Variants in SUSD5 observed in about 807,000 individuals in gnomAD.
SUSD5 encodes the protein sushi domain containing 5, also known as sushi domain-containing protein 5.
In SUSD5, 33 loss-of-function variants were observed where a neutral mutation model predicts 29.5. That is an observed-to-expected ratio of 1.12 (90% CI 0.85 to 1.49). The LOEUF is 1.49. Among genes scored for constraint, SUSD5 ranks in the 40% most tolerant of loss-of-function variants. SUSD5 has a pLI of 0.00. For missense variants in SUSD5, 776 were observed against 800.6 expected, an observed-to-expected ratio of 0.97 and a Z score of 0.37; for synonymous variants, 308 against 325.3, an observed-to-expected ratio of 0.95 and a Z score of 0.57.
At chr3:33,161,320 T>C (rs1043760057) in intron 4 of SUSD5, among the ~76,000 whole-genome samples, 2 of 152,238 alleles carry the variant, frequency 1.3e-5, no homozygotes, top group Non-Finnish European at 2.9e-5. Context: ...ATTAAACTTC[T>C]ATATGTCAAG....
At chr3:33,184,391 T>C (rs146803436) in intron 3 of SUSD5, among the ~76,000 whole-genome samples, 2 of 152,304 alleles carry the variant, frequency 1.3e-5, no homozygotes, top group East Asian at 3.9e-4. Flanking sequence ...GTTAATGATA[T>C]GCCAGGGTGT....
chr3:33,175,174 C>A, intron 3 of SUSD5, 100 bp from the exon 4 acceptor site: 1 of 1,291,822 alleles, frequency 7.7e-7, no homozygotes, highest in South Asian at 1.4e-5. Flanking sequence ...TGCCGCCCAC[C>A]GTACCCTCAA....
chr3:33,169,573 G>C (rs951531289), intron 4 of SUSD5, among the ~76,000 whole-genome samples: 2 of 152,176 alleles, frequency 1.3e-5, no homozygotes, highest in African/African-American at 4.8e-5. Flanking sequence ...AAACCCAATA[G>C]AGTTGTTGAA....
intron 3 of SUSD5, among the ~76,000 whole-genome samples, chr3:33,192,009 G>C (rs1397165999): frequency 6.6e-6 from 1 of 152,044 alleles, no homozygotes; most frequent in Non-Finnish European, 1.5e-5. Flanking sequence ...AGAACACTGA[G>C]TGCTATCATT....
chr3:33,187,072 G>C (rs1020420501), intron 3 of SUSD5, among the ~76,000 whole-genome samples: 7 of 152,144 alleles, frequency 4.6e-5, no homozygotes, highest in Non-Finnish European at 1.0e-4. Context: ...AAAAGGCCTG[G>C]ACTTTCCACC....
At chr3:33,214,560 C>T (rs2125634732) in intron 1 of SUSD5, among the ~76,000 whole-genome samples, 1 of 152,242 alleles carries the variant, frequency 6.6e-6, no homozygotes. Context: ...CTCTCTGTCC[C>T]TTGCCTTAAG....
intron 3 of SUSD5, among the ~76,000 whole-genome samples, chr3:33,203,653 C>A (rs979565439): frequency 6.6e-6 from 1 of 152,208 alleles, no homozygotes. Context: ...ACTCAGCTCA[C>A]GCATGGGCAT....
At chr3:33,192,510 A>G (rs2031913845) in intron 3 of SUSD5, among the ~76,000 whole-genome samples, 1 of 152,054 alleles carries the variant, frequency 6.6e-6, no homozygotes, top group South Asian at 2.1e-4. Flanking sequence ...AGATATCTAC[A>G]TATATCAATA....
intron 3 of SUSD5, among the ~76,000 whole-genome samples, chr3:33,193,140 T>C (rs991485502): frequency 4.6e-5 from 7 of 151,840 alleles, no homozygotes; most frequent in Non-Finnish European, 8.8e-5. Context: ...CAGGCATGAG[T>C]TCATGAAGGG....
chr3:33,168,725 C>T, intron 4 of SUSD5: 1 of 299,090 alleles, frequency 3.3e-6, no homozygotes, highest in Non-Finnish European at 4.9e-6. Context: ...TCTTGGCTCA[C>T]TGTATCCTCC....
chr3:33,206,464 G>GA (rs1559456867), intron 3 of SUSD5, among the ~76,000 whole-genome samples: 22 of 149,262 alleles, frequency 1.5e-4, no homozygotes, highest in Admixed American at 8.7e-4. Flanking sequence ...TGTGTTTTAA[G>GA]AAAAAAAATA....
intron 3 of SUSD5, among the ~76,000 whole-genome samples, chr3:33,189,478 CA>C (rs71630568): frequency 0.013 from 1,155 of 91,530 alleles, 4 homozygotes; most frequent in African/African-American, 0.036. Context: ...CTCTCCTTCT[CA>C]AAAAAAAAAA....
In SUSD5 at chr3:33,199,764, C is replaced by T. The variant is rs185394972; in HGVS notation, c.409+8044G>A. ...ATTTGGAAGTGGGACTTTTGGGAGGCGATTAGGCCATGCTATGGTTCAAAT... is the reference window on the plus strand; with the variant it reads ...ATTTGGAAGTGGGACTTTTGGGAGGTGATTAGGCCATGCTATGGTTCAAAT... On this transcript the variant is annotated intron_variant, in intron 3 of 4. Coordinates refer to ENST00000309558, the MANE Select transcript of SUSD5 (RefSeq NM_015551.2). Among the ~76,000 whole-genome samples the T allele has an allele frequency of 3.2e-4, 49 of 152,200 alleles. No individual in the cohort carries two copies. In the East Asian group the frequency reaches 8.9e-3, roughly 28 times the overall value.
At chr3:33,163,997 C>G (rs2031250388) in intron 4 of SUSD5, among the ~76,000 whole-genome samples, 1 of 151,886 alleles carries the variant, frequency 6.6e-6, no homozygotes, top group Non-Finnish European at 1.5e-5. Context: ...AAGACTCCGT[C>G]TCAAAAAACA....
intron 3 of SUSD5, among the ~76,000 whole-genome samples, chr3:33,206,409 TTGAGTGTGTGTG>T (rs907725515): frequency 2.3e-5 from 2 of 86,028 alleles, no homozygotes; most frequent in African/African-American, 8.5e-5. Context: ...AAAAATTTAC[TTGAGTGTGTGTG>T]TGTGTGTGTG....
At chr3:33,161,638 T>A (rs1014032049) in intron 4 of SUSD5, among the ~76,000 whole-genome samples, 25 of 152,058 alleles carry the variant, frequency 1.6e-4, no homozygotes, top group African/African-American at 6.0e-4. Flanking sequence ...ACACTTTAAA[T>A]ATAAGTACAC....
At chr3:33,179,971 T>C (rs1411835884) in intron 3 of SUSD5, among the ~76,000 whole-genome samples, 4 of 152,236 alleles carry the variant, frequency 2.6e-5, no homozygotes, top group Non-Finnish European at 5.9e-5. Flanking sequence ...GTGATGCTGG[T>C]GTAAACAAAC....
intron 3 of SUSD5, among the ~76,000 whole-genome samples, chr3:33,180,537 T>A (rs532081977): frequency 5.9e-4 from 89 of 151,994 alleles, no homozygotes; most frequent in African/African-American, 1.8e-3. Context: ...ATTAAAAAAA[T>A]TTTTTTTGGC....
intron 4 of SUSD5, among the ~76,000 whole-genome samples, chr3:33,171,464 ATT>A (rs138849338): frequency 0.13 from 20,344 of 152,148 alleles, 1,574 homozygotes; most frequent in South Asian, 0.23. Context: ...GTTGTAGGAA[ATT>A]TTTTTAAAAA....
Sources: gnomAD v4.1 joint callset for allele counts (sites outside exome capture counted in the v4.1 genomes callset) on GRCh38, gnomAD v4.1.1 for gene constraint, MANE v1.5 for transcripts, NCBI Gene and HGNC (gene_info 2026-07-23, HGNC 2026-07-21) for gene names.